SORCS3: variants seen among roughly 807,000 people sequenced by gnomAD.
The protein encoded by SORCS3 is sortilin related VPS10 domain containing receptor 3, also known as VPS10 domain-containing receptor SorCS3.
Under a neutral mutation model 146.3 loss-of-function variants are expected in SORCS3, and 57 were observed. The observed-to-expected ratio is 0.39, with a 90% CI of 0.31 to 0.49. SORCS3 has a LOEUF of 0.49. SORCS3 is among the 20% of genes least tolerant of loss of function. The pLI is 0.92. For synonymous variants in SORCS3, 653 were observed against 618.5 expected (o/e 1.06, Z -0.83); for missense variants, 1,341 against 1,575.5 (o/e 0.85, Z 2.52).
chr10:104,750,014 T>A (rs2016964749), intron 1 of SORCS3, among the ~76,000 whole-genome samples: 1 of 152,216 alleles, frequency 6.6e-6, no homozygotes, highest in African/African-American at 2.4e-5. Flanking sequence ...TTGATCAGCA[T>A]CAGACACATT....
chr10:104,685,688 G>A (rs1335866456), intron 1 of SORCS3, among the ~76,000 whole-genome samples: 12 of 152,284 alleles, frequency 7.9e-5, no homozygotes, highest in Admixed American at 7.2e-4. Flanking sequence ...ATAAGGCCCC[G>A]TTCTGTATAG....
chr10:104,957,577 A>ACACT (rs1229254339), intron 3 of SORCS3, among the ~76,000 whole-genome samples: 2 of 152,094 alleles, frequency 1.3e-5, no homozygotes, highest in Admixed American at 6.6e-5. Flanking sequence ...ACACACACAC[A>ACACT]CACTCAGACC....
intron 5 of SORCS3, among the ~76,000 whole-genome samples, chr10:105,060,568 C>T (rs777156343): frequency 6.6e-5 from 10 of 152,094 alleles, no homozygotes; most frequent in Non-Finnish European, 1.3e-4. Flanking sequence ...AAAGGCTATT[C>T]ATTACTGGGG....
chr10:104,982,493 A>G (rs948258350), intron 4 of SORCS3, among the ~76,000 whole-genome samples: 1 of 152,226 alleles, frequency 6.6e-6, no homozygotes, highest in Admixed American at 6.5e-5. Flanking sequence ...CTGGGGATTA[A>G]CTAGGGATGA....
At chr10:105,130,066 T>C (rs1448830798) in intron 7 of SORCS3, among the ~76,000 whole-genome samples, 2 of 152,176 alleles carry the variant, frequency 1.3e-5, no homozygotes, top group Non-Finnish European at 2.9e-5. Context: ...TAATATGCAT[T>C]GAGTACGTGC....
rs536892138 is a variant in SORCS3 at position 104,900,335 on chromosome 10, G to A, written c.696-15498G>A. ...CTGACCATGCCAGTAAACAGATTATGCTTCTTCTACCTGTCTTTTATTTCT... is the reference window on the plus strand; with the variant it reads ...CTGACCATGCCAGTAAACAGATTATACTTCTTCTACCTGTCTTTTATTTCT... On this transcript the variant is annotated intron_variant, in intron 2 of 26. Coordinates refer to ENST00000369701, the MANE Select transcript of SORCS3 (RefSeq NM_014978.3). 9.7e-4 allele frequency among the ~76,000 whole-genome samples: 148 copies of A among 152,220 alleles called. 1 individual carries two copies. Among genetic ancestry groups the A allele is most frequent in the African/African-American group, 3.4e-3 (140 of 41,538 alleles).
chr10:105,196,727 T>A (rs1030861573), intron 14 of SORCS3, among the ~76,000 whole-genome samples: 1 of 152,242 alleles, frequency 6.6e-6, no homozygotes, highest in African/African-American at 2.4e-5. Context: ...TTAGGAATCC[T>A]AAGTCATGTC....
At chr10:105,071,318 G>A (rs1351208549) in intron 5 of SORCS3, among the ~76,000 whole-genome samples, 2 of 152,216 alleles carry the variant, frequency 1.3e-5, no homozygotes, top group Non-Finnish European at 2.9e-5. Flanking sequence ...AATGAAGTCT[G>A]TGTATAGTTC....
intron 14 of SORCS3, among the ~76,000 whole-genome samples, chr10:105,193,214 A>G (rs975295281): frequency 6.6e-6 from 1 of 152,190 alleles, no homozygotes; most frequent in African/African-American, 2.4e-5. Context: ...ATCCTAGCAC[A>G]GTCCAGGGTG....
intron 5 of SORCS3, among the ~76,000 whole-genome samples, chr10:105,045,080 G>C (rs1015651297): frequency 1.3e-5 from 2 of 149,806 alleles, no homozygotes; most frequent in Admixed American, 6.6e-5. Context: ...GCCCTCTGCT[G>C]TTTCTGGAAC....
At position 105,222,337 on chromosome 10, in the gene SORCS3, T is replaced by C. The variant is rs560380707; in HGVS notation, c.2735-779T>C. On this transcript the variant is annotated intron_variant, in intron 19 of 26. Coordinates refer to ENST00000369701, the MANE Select transcript of SORCS3 (RefSeq NM_014978.3). ...CCTCCCAAAGTGCTGGGATTACAGG[T>C]GTGAGCCACCGCGCCCGGCCGCATT... 3.7e-3 allele frequency among the ~76,000 whole-genome samples: 565 copies of C among 152,172 alleles called. 1 individual carries two copies. The highest frequency in any genetic ancestry group is 0.017 in the Middle Eastern group (5 of 294).
At chr10:105,261,468 C>T (rs974246719) in intron 25 of SORCS3, among the ~76,000 whole-genome samples, 1 of 152,172 alleles carries the variant, frequency 6.6e-6, no homozygotes, top group African/African-American at 2.4e-5. Context: ...TCAACCCATC[C>T]AGTCCAGACT....
intron 19 of SORCS3, among the ~76,000 whole-genome samples, 192 bp downstream of exon 19, chr10:105,217,314 G>A (rs149721442): frequency 8.5e-4 from 130 of 152,304 alleles, no homozygotes; most frequent in African/African-American, 2.9e-3. Context: ...TTATTTTGAA[G>A]TTCGGATAAC....
chr10:104,745,131 C>T (rs2016892056), intron 1 of SORCS3, among the ~76,000 whole-genome samples: 1 of 152,112 alleles, frequency 6.6e-6, no homozygotes, highest in South Asian at 2.1e-4. Context: ...TGGCTACAAG[C>T]CTTGGGTCTT....
At chr10:104,900,568 C>A (rs2018841467) in intron 2 of SORCS3, among the ~76,000 whole-genome samples, 1 of 152,108 alleles carries the variant, frequency 6.6e-6, no homozygotes, top group African/African-American at 2.4e-5. Context: ...TTCTACTGAT[C>A]TGAACTTATC....
At chr10:104,894,811 AG>A (rs1408078332) in intron 2 of SORCS3, among the ~76,000 whole-genome samples, 1 of 152,172 alleles carries the variant, frequency 6.6e-6, no homozygotes, top group Non-Finnish European at 1.5e-5. Flanking sequence ...GAGGAGAGGT[AG>A]GTGCAGGAGA....
intron 4 of SORCS3, among the ~76,000 whole-genome samples, chr10:104,981,558 G>C (rs2054931664): frequency 6.6e-6 from 1 of 152,172 alleles, no homozygotes; most frequent in South Asian, 2.1e-4. Context: ...AGATTAGCTG[G>C]AGGGCTCAAT....
intron 2 of SORCS3, among the ~76,000 whole-genome samples, chr10:104,861,625 C>T (rs1031738322): frequency 1.3e-5 from 2 of 152,264 alleles, no homozygotes; most frequent in East Asian, 1.9e-4. Context: ...GTGCTTGCCC[C>T]GGTGTGGAGG....
intron 1 of SORCS3, among the ~76,000 whole-genome samples, chr10:104,669,198 G>C (rs529708280): frequency 6.6e-6 from 1 of 152,298 alleles, no homozygotes; most frequent in East Asian, 1.9e-4. Flanking sequence ...ATGTACTAGA[G>C]TGCACAGATT....
Sources: gnomAD v4.1 joint callset for allele counts (sites outside exome capture counted in the v4.1 genomes callset) on GRCh38, gnomAD v4.1.1 for gene constraint, MANE v1.5 for transcripts, NCBI Gene and HGNC (gene_info 2026-07-23, HGNC 2026-07-21) for gene names.